The following GALNTL6 variants were observed in gnomAD, a reference collection of about 807,000 sequenced individuals.
GALNTL6 encodes polypeptide N-acetylgalactosaminyltransferase like 6, also known as polypeptide N-acetylgalactosaminyltransferase-like 6.
A neutral mutation model predicts 73.7 loss-of-function variants in GALNTL6; 46 were observed. The observed-to-expected ratio is 0.62, with a 90% CI of 0.49 to 0.80. The LOEUF is 0.80. Ranked by LOEUF, GALNTL6 falls within the 30% of genes least tolerant of loss-of-function variation. GALNTL6 has a pLI of 0.00. For synonymous variants in GALNTL6, 259 were observed against 263.7 expected (o/e 0.98, Z 0.17); for missense variants, 604 against 755.0 (o/e 0.80, Z 2.34).
chr4:172,625,683 C>A (rs1317139016), intron 5 of GALNTL6, among the ~76,000 whole-genome samples: 1 of 152,032 alleles, frequency 6.6e-6, no homozygotes, highest in Admixed American at 6.6e-5. Flanking sequence ...TCACCAATGT[C>A]TGTTGTGTAT....
chr4:172,696,330 A>G (rs1404662916), intron 5 of GALNTL6, among the ~76,000 whole-genome samples: 1 of 152,220 alleles, frequency 6.6e-6, no homozygotes, highest in African/African-American at 2.4e-5. Context: ...GTTGTTTCAC[A>G]TAATTTTAAA....
intron 5 of GALNTL6, among the ~76,000 whole-genome samples, chr4:172,379,089 G>T (rs879893246): frequency 5.9e-5 from 9 of 152,172 alleles, no homozygotes; most frequent in African/African-American, 9.7e-5. Context: ...TTTTTCTGAA[G>T]GGGAGAATCT....
chr4:172,860,445 C>G (rs976797491), intron 7 of GALNTL6, among the ~76,000 whole-genome samples: 1 of 151,972 alleles, frequency 6.6e-6, no homozygotes, highest in Admixed American at 6.5e-5. Context: ...TAAAATTGGA[C>G]CTTATTAATC....
At chr4:172,533,864 A>G (rs1164533254) in intron 5 of GALNTL6, among the ~76,000 whole-genome samples, 1 of 152,194 alleles carries the variant, frequency 6.6e-6, no homozygotes, top group Admixed American at 6.5e-5. Context: ...TTTCTACCAC[A>G]CTGAGAATTA....
At chr4:172,253,793 A>G (rs1440337464) in intron 3 of GALNTL6, among the ~76,000 whole-genome samples, 1 of 151,970 alleles carries the variant, frequency 6.6e-6, no homozygotes, top group Non-Finnish European at 1.5e-5. Flanking sequence ...AATGAAATAC[A>G]TGTCACTAAA....
chr4:172,636,378 C>A (rs1378528780), intron 5 of GALNTL6, among the ~76,000 whole-genome samples: 2 of 152,194 alleles, frequency 1.3e-5, no homozygotes, highest in Admixed American at 6.5e-5. Context: ...AATTCCCAGA[C>A]CTCCAAATGT....
chr4:172,452,441 C>CCTCTGGACCTCAGTG (rs1193022807), intron 5 of GALNTL6, among the ~76,000 whole-genome samples: 1 of 152,068 alleles, frequency 6.6e-6, no homozygotes, highest in Non-Finnish European at 1.5e-5. Context: ...ATTACTAACC[C>CCTCTGGACCTCAGTG]CTCTGGACCT....
Position 172,226,607 on chromosome 4 carries a change from G to GTGTA in GALNTL6, c.139-3046_139-3045insATGT, listed in dbSNP as rs1333241223. On this transcript the variant is annotated intron_variant, in intron 2 of 12. Coordinates refer to ENST00000506823, the MANE Select transcript of GALNTL6 (RefSeq NM_001034845.3). ...TGTGTGTCTGTGTGTGTGTGTTTCT[G>GTGTA]TGTGTGTGTGTGTTTTCCCACAGAG... Among the ~76,000 whole-genome samples the GTGTA allele has an allele frequency of 1.0e-4, 15 of 150,338 alleles. No individual in the cohort carries two copies. In the South Asian group the frequency reaches 3.2e-3, roughly 32 times the overall value.
intron 2 of GALNTL6, among the ~76,000 whole-genome samples, chr4:171,988,587 G>A (rs1473267418): frequency 6.6e-6 from 1 of 152,160 alleles, no homozygotes; most frequent in Non-Finnish European, 1.5e-5. Context: ...TGGCACCACG[G>A]GGTGGATAGG....
At chr4:172,915,923 G>C (rs1010816637) in intron 8 of GALNTL6, among the ~76,000 whole-genome samples, 1 of 152,090 alleles carries the variant, frequency 6.6e-6, no homozygotes, top group African/African-American at 2.4e-5. Flanking sequence ...TGATACCAAA[G>C]ACTGGCAGAG....
At chr4:172,060,932 T>C (rs1434812385) in intron 2 of GALNTL6, among the ~76,000 whole-genome samples, 1 of 152,166 alleles carries the variant, frequency 6.6e-6, no homozygotes, top group Non-Finnish European at 1.5e-5. Context: ...ACATGGGCTC[T>C]AAGGAAAATG....
chr4:171,984,993 A>C (rs332985), intron 2 of GALNTL6, among the ~76,000 whole-genome samples: 3 of 149,152 alleles, frequency 2.0e-5, no homozygotes, highest in African/African-American at 7.4e-5. Flanking sequence ...AATCAGCAAA[A>C]ACAAAAAAAA....
At chr4:172,549,551 A>G (rs1024659858) in intron 5 of GALNTL6, among the ~76,000 whole-genome samples, 7 of 152,152 alleles carry the variant, frequency 4.6e-5, no homozygotes, top group African/African-American at 1.7e-4. Context: ...TTTTAAAGGA[A>G]ATTCTAAAAG....
At chr4:173,033,812 A>T (rs1753570577) in intron 12 of GALNTL6, among the ~76,000 whole-genome samples, 1 of 152,212 alleles carries the variant, frequency 6.6e-6, no homozygotes, top group South Asian at 2.1e-4. Context: ...TCTTACAGAA[A>T]CATCCTCTTC....
At chr4:172,939,056 T>G (rs549364285) in intron 9 of GALNTL6, among the ~76,000 whole-genome samples, 2 of 152,196 alleles carry the variant, frequency 1.3e-5, no homozygotes, top group Non-Finnish European at 2.9e-5. Flanking sequence ...GTAATCCCAG[T>G]GCCTCAGGAG....
Position 172,206,805 on chromosome 4 carries a change from G to GTTTGTTTTTTTTTTTTTTT in GALNTL6, c.139-22848_139-22847insGTTTTTTTTTTTTTTTTTT, listed in dbSNP as rs1554003003. On this transcript the variant is annotated intron_variant, in intron 2 of 12. Coordinates refer to ENST00000506823, the MANE Select transcript of GALNTL6 (RefSeq NM_001034845.3). The stretch of plus-strand genomic sequence containing the variant: ...TTGTTTTGTTTTGTTTTGTTTTTCT[G>GTTTGTTTTTTTTTTTTTTT]TTTTTTTTGTTTGTTTTTTTTTTTT... Among the ~76,000 whole-genome samples the GTTTGTTTTTTTTTTTTTTT allele has an allele frequency of 1.3e-3, 34 of 26,170 alleles. 1 individual carries two copies. The highest frequency in any genetic ancestry group is 2.3e-3 in the Non-Finnish European group (27 of 11,868). The allele number at this position is 26,170 out of a possible 152,430, so 17.2% of individuals were successfully genotyped here. A position where few individuals can be genotyped will look rare whatever the true frequency, so the allele number is the denominator to read the frequency against.
intron 5 of GALNTL6, among the ~76,000 whole-genome samples, chr4:172,721,801 C>G (rs953488946): frequency 6.6e-6 from 1 of 152,134 alleles, no homozygotes; most frequent in Admixed American, 6.5e-5. Context: ...CCAAACAGCA[C>G]TCTCTCTCTA....
At chr4:172,121,681 T>C (rs1371713485) in intron 2 of GALNTL6, among the ~76,000 whole-genome samples, 1 of 152,126 alleles carries the variant, frequency 6.6e-6, no homozygotes, top group African/African-American at 2.4e-5. Flanking sequence ...AGGTAGTGGT[T>C]CTCAGGCTAG....
At chr4:172,745,185 T>A (rs1737034755) in intron 5 of GALNTL6, among the ~76,000 whole-genome samples, 1 of 149,332 alleles carries the variant, frequency 6.7e-6, no homozygotes, top group Non-Finnish European at 1.5e-5. Context: ...AATGTAAAGA[T>A]AGTAGACTGT....
Sources: allele counts gnomAD v4.1 joint callset (sites outside exome capture counted in the v4.1 genomes callset), GRCh38; gene constraint gnomAD v4.1.1; transcripts MANE v1.5; gene names NCBI Gene and HGNC (gene_info 2026-07-23, HGNC 2026-07-21).